Variants in GPSM1 observed in about 807,000 individuals in gnomAD.
The protein encoded by GPSM1 is G protein signaling modulator 1.
In GPSM1, 48 loss-of-function variants were observed where a neutral mutation model predicts 70.5. That is an observed-to-expected ratio of 0.68 (90% CI 0.54 to 0.87). The LOEUF (loss-of-function observed/expected upper bound fraction) is 0.87, where lower values mean the gene tolerates loss of function less well. Ranked by LOEUF, GPSM1 falls within the 40% of genes least tolerant of loss-of-function variation. GPSM1 has a pLI of 0.00. For missense variants in GPSM1, 981 were observed against 972.6 expected (o/e 1.01, Z -0.11); for synonymous variants, 416 against 430.1 (o/e 0.97, Z 0.41).
intron 10 of GPSM1, 38 bp from the exon 11 acceptor site, chr9:136,349,549 C>T: frequency 1.3e-6 from 2 of 1,531,942 alleles, no homozygotes; most frequent in Middle Eastern, 1.7e-4. Context: ...CATTGGTTCA[C>T]AATTGCCCAG....
At chr9:136,356,088 G>A (rs371203438) in intron 12 of GPSM1, among the ~76,000 whole-genome samples, 27 of 152,108 alleles carry the variant, frequency 1.8e-4, no homozygotes, top group African/African-American at 2.7e-4. Context: ...GGGGCAGGGC[G>A]TGGGGGACTG....
Position 136,341,842 on chromosome 9 carries a change from G to A in GPSM1, c.1207+849G>A. The A allele has an allele frequency of 3.3e-6, 3 of 904,956 alleles. No homozygotes were observed. Among genetic ancestry groups the A allele is most frequent in the Non-Finnish European group, 4.0e-6 (3 of 756,472 alleles). 56.1% of individuals were successfully genotyped at this position (904,956 alleles called of 1,614,324 possible). A position where few individuals can be genotyped will look rare whatever the true frequency, so the allele number is the denominator to read the frequency against. ...TAATTAAATGTTTTTATAGAGATAG[G>A]GCCTCACTATGTTGCCCAGGCCAGT... On this transcript the variant is annotated intron_variant, in intron 9 of 13. Coordinates refer to ENST00000440944, the MANE Select transcript of GPSM1 (RefSeq NM_001145638.3). This position sits in a 1 kb window ranked among gnomAD's most constrained non-coding sequence, Gnocchi z 6.7.
rs1368308379 is a variant in GPSM1 at position 136,343,116 on chromosome 9, T to G, written c.1207+2123T>G. The stretch of plus-strand genomic sequence containing the variant: ...AGCAGAGAAGCCCCAGAAGTGTGTC[T>G]GGGGGTCACCACCCTGCCAGCCACT... On this transcript the variant is annotated intron_variant, in intron 9 of 13. Coordinates refer to ENST00000440944, the MANE Select transcript of GPSM1 (RefSeq NM_001145638.3). The surrounding 1 kb of genome is among the most constrained non-coding windows in gnomAD (Gnocchi z 6.0). Among the ~76,000 whole-genome samples, 5 of 152,094 alleles carry G rather than the reference T, an allele frequency of 3.3e-5. No individual in the cohort carries two copies. The highest frequency in any genetic ancestry group is 3.3e-4 in the Admixed American group (5 of 15,282).
chr9:136,349,060 A>T (rs1832593704), intron 10 of GPSM1, among the ~76,000 whole-genome samples: 1 of 151,858 alleles, frequency 6.6e-6, no homozygotes, highest in South Asian at 2.1e-4. Context: ...AGGGGCACCC[A>T]CTCCTGCCTG....
rs1832803190 is a variant in GPSM1 at position 136,355,846 on chromosome 9, G to A, written c.1612G>A (p.Ala538Thr). Residue 538 changes from alanine to threonine, a missense_variant and splice_region_variant, in exon 12 of 14, where the codon GCC (alanine) becomes ACC (threonine). Transcript: ENST00000440944. The stretch of plus-strand genomic sequence containing the variant: ...CGCCCCCACCCTGGAGGACAGGATC[G>A]GTGAGTGCCCCCCTCAGCCGGGCCC... Reference protein sequence around the residue: ...TAAPTLEDRIAQPSMTASPQT... With the variant: ...TAAPTLEDRITQPSMTASPQT... 2.1e-5 allele frequency: 33 copies of A among 1,604,810 alleles called. No homozygotes were observed. Among genetic ancestry groups the A allele is most frequent in the South Asian group, 3.3e-5 (3 of 90,730 alleles).
At chr9:136,351,144 G>A (rs1832651650) in intron 11 of GPSM1, among the ~76,000 whole-genome samples, 1 of 152,198 alleles carries the variant, frequency 6.6e-6, no homozygotes, top group Non-Finnish European at 1.5e-5. Flanking sequence ...GGGATTCGCA[G>A]CCCCCCGAGG....
chr9:136,338,171 G>C (rs1770156181), intron 6 of GPSM1, among the ~76,000 whole-genome samples: 1 of 152,198 alleles, frequency 6.6e-6, no homozygotes, highest in Non-Finnish European at 1.5e-5. Context: ...GGGAGGTCTG[G>C]GCCATCTGCC....
intron 9 of GPSM1, among the ~76,000 whole-genome samples, chr9:136,347,174 G>A (rs1005660554): frequency 2.6e-5 from 4 of 152,266 alleles, no homozygotes; most frequent in Admixed American, 1.3e-4. Context: ...TGCCCGGCCC[G>A]GCCCATCCAT....
chr9:136,357,901 C>A, intron 13 of GPSM1, 113 bp from the exon 14 acceptor site: 1 of 764,448 alleles, frequency 1.3e-6, no homozygotes, highest in Non-Finnish European at 2.1e-6. Context: ...CCTGGGTGGA[C>A]AGGGGGAAGC....
chr9:136,330,763 G>T (rs912713260), intron 1 of GPSM1, among the ~76,000 whole-genome samples: 1 of 152,192 alleles, frequency 6.6e-6, no homozygotes, highest in Non-Finnish European at 1.5e-5. Flanking sequence ...TCGGGTGGCC[G>T]GAGGTAGTAG....
chr9:136,356,541 C>T lies in GPSM1; in HGVS notation c.1812C>T (p.Ile604=), dbSNP rs1554773223. 2 of 1,610,660 alleles carry T rather than the reference C, an allele frequency of 1.2e-6. No homozygotes were observed. The highest frequency in any genetic ancestry group is 2.2e-5 in the East Asian group (1 of 44,812). The change falls in exon 13 of 14, where the codon ATC becomes ATT. Residue 604 remains isoleucine (I), a synonymous_variant. Transcript: ENST00000440944. ...GGGACGACTTCTTCAACATGCTCAT[C>T]AAGTACCAGGTGGGCTGCGGCCCTG... ...EPGDDFFNML[I]KYQSSRIDDQ... is the part of the protein sequence containing the mutation.
chr9:136,351,954 A>AGTGGCTGG (rs1554772173), intron 11 of GPSM1, among the ~76,000 whole-genome samples: 3 of 151,316 alleles, frequency 2.0e-5, no homozygotes, highest in Non-Finnish European at 4.4e-5. Context: ...CTGGGGCGTC[A>AGTGGCTGG]GTGGCCGGGT....
rs1168268583 is a variant in GPSM1 at position 136,340,609 on chromosome 9, C to T, written c.1084-261C>T. 6.6e-6 allele frequency among the ~76,000 whole-genome samples: 1 copy of T among 152,058 alleles called. No homozygotes were observed. Among genetic ancestry groups the T allele is most frequent in the Non-Finnish European group, 1.5e-5 (1 of 67,990 alleles). The stretch of plus-strand genomic sequence containing the variant: ...GCGCACCGGAGGGCACAGGCCCAAC[C>T]GCCTGGGACCCCAAGCATCTCTGGG... On this transcript the variant is annotated intron_variant, in intron 8 of 13. Coordinates refer to ENST00000440944, the MANE Select transcript of GPSM1 (RefSeq NM_001145638.3). The surrounding 1 kb of genome is among the most constrained non-coding windows in gnomAD (Gnocchi z 7.3).
At chr9:136,344,897 A>C (rs1832483478) in intron 9 of GPSM1, among the ~76,000 whole-genome samples, 1 of 152,172 alleles carries the variant, frequency 6.6e-6, no homozygotes, top group Non-Finnish European at 1.5e-5. Context: ...GAGAAGGGGC[A>C]AGGCCTAGGC....
At chr9:136,350,239 C>T (rs575217820) in intron 11 of GPSM1, among the ~76,000 whole-genome samples, 22 of 152,378 alleles carry the variant, frequency 1.4e-4, no homozygotes, top group Non-Finnish European at 2.8e-4. Flanking sequence ...CTGCACAGAT[C>T]CCCTGATGGG....
At chr9:136,335,784 C>T (rs1832217816) in intron 2 of GPSM1, among the ~76,000 whole-genome samples, 182 bp from the exon 3 acceptor site, 1 of 152,164 alleles carries the variant, frequency 6.6e-6, no homozygotes. Context: ...CCAGGGCTGC[C>T]CTCGGGCCTC....
At chr9:136,334,397 C>T (rs782597329) in intron 1 of GPSM1, 50 bp from the exon 2 acceptor site, 17 of 1,454,516 alleles carry the variant, frequency 1.2e-5, no homozygotes, top group East Asian at 9.3e-5. Flanking sequence ...GCTCCGGCCC[C>T]GGGGCGACTT....
In GPSM1 at chr9:136,345,572, G is replaced by A. The variant is rs372616111; in HGVS notation, c.1208-3125G>A. Among the ~76,000 whole-genome samples the A allele has an allele frequency of 3.5e-4, 53 of 152,358 alleles. No homozygotes were observed. In the East Asian group the frequency reaches 7.1e-3, roughly 21 times the overall value. On this transcript the variant is annotated intron_variant, in intron 9 of 13. Coordinates refer to ENST00000440944, the MANE Select transcript of GPSM1 (RefSeq NM_001145638.3). ...CAGGGCCCATCCATGCGGTGTCCTG[G>A]TGGAGGGCCAGGCCTGGCAGAAGCA... is the stretch of plus-strand genomic sequence containing the variant.
chr9:136,358,296 C>G lies in GPSM1; in HGVS notation c.*76C>G. 2 of 1,307,546 alleles carry G rather than the reference C, an allele frequency of 1.5e-6. No homozygotes were observed. Among genetic ancestry groups the G allele is most frequent in the Non-Finnish European group, 2.1e-6 (2 of 948,348 alleles). The allele number at this position is 1,307,546 out of a possible 1,614,324, so 81.0% of individuals were successfully genotyped here. ...TCTCACAGTCACAGCCACGTCCTCC[C>G]GAGGCCATTGCCGAGGACAGGCACT... On this transcript the variant is annotated 3_prime_UTR_variant, in exon 14 of 14. Coordinates refer to ENST00000440944, the MANE Select transcript of GPSM1 (RefSeq NM_001145638.3).
Sources: allele counts gnomAD v4.1 joint callset (sites outside exome capture counted in the v4.1 genomes callset), GRCh38; gene constraint gnomAD v4.1.1; non-coding constraint Gnocchi (gnomAD v3.1); transcripts MANE v1.5; gene names NCBI Gene and HGNC (gene_info 2026-07-23, HGNC 2026-07-21).